The following ABCC12 variants were observed in gnomAD, a reference collection of about 807,000 sequenced individuals.
ABCC12 encodes ATP-binding cassette sub-family C member 12.
A neutral mutation model predicts 151.1 loss-of-function variants in ABCC12; 142 were observed. The ratio of observed to expected loss-of-function variants is 0.94; its 90% CI spans 0.82 to 1.08. ABCC12 has a LOEUF of 1.08. Among genes scored for constraint, ABCC12 ranks in the 50% least tolerant of loss-of-function variants. The pLI is 0.00. For missense variants in ABCC12, 1,638 were observed against 1,691.1 expected (o/e 0.97, Z 0.55); for synonymous variants, 645 against 646.4 (o/e 1.00, Z 0.03).
At chr16:48,085,059 C>A (rs1962526931) in intron 29 of ABCC12, among the ~76,000 whole-genome samples, 1 of 152,124 alleles carries the variant, frequency 6.6e-6, no homozygotes, top group Non-Finnish European at 1.5e-5. Context: ...CGGCCCCTCT[C>A]CCCTGACATT....
chr16:48,153,548 C>G (rs1200477488), intron 2 of ABCC12, 68 bp downstream of exon 2: 1 of 152,250 alleles, frequency 6.6e-6, no homozygotes, highest in Non-Finnish European at 1.5e-5. Flanking sequence ...CTAGTCCTCT[C>G]TCATCCAGGC....
At position 48,087,805 on chromosome 16, in the gene ABCC12, T is replaced by C. The variant is rs1962684841; in HGVS notation, c.3635+121A>G. On this transcript the variant is annotated intron_variant, in intron 27 of 30. Transcript: ENST00000311303. ...GCAGTGCTTGTGAGCCCCCCTGGGATACTGCTTCCCTCAGACAGAACAGCT... is the reference window on the plus strand; with the variant it reads ...GCAGTGCTTGTGAGCCCCCCTGGGACACTGCTTCCCTCAGACAGAACAGCT... The C allele has an allele frequency of 5.4e-6, 6 of 1,100,936 alleles. No individual in the cohort carries two copies. In the East Asian group the frequency reaches 1.5e-4, roughly 28 times the overall value. The allele number at this position is 1,100,936 out of a possible 1,614,324, so 68.2% of individuals were successfully genotyped here.
chr16:48,134,732 A>G (rs1430527020), intron 8 of ABCC12, among the ~76,000 whole-genome samples: 2 of 152,162 alleles, frequency 1.3e-5, no homozygotes, highest in Admixed American at 6.5e-5. Context: ...CAATCTACCC[A>G]TGATTTATAA....
Position 48,121,744 on chromosome 16 carries a change from G to A in ABCC12, c.1684C>T (p.Leu562Phe). ...IFHGNVRENI[L>F]FGEKYDHQRY... ...TGGTGATCATACTTTTCTCCAAAGA[G>A]TATGTTTTCTCTCACATTTCCATGA... Residue 562 changes from leucine (L) to phenylalanine (F), a missense_variant, in exon 13 of 31, where the codon CTC becomes TTC. Transcript: ENST00000311303. The A allele has an allele frequency of 6.2e-7, 1 of 1,614,188 alleles. No individual in the cohort carries two copies. The highest frequency in any genetic ancestry group is 8.5e-7 in the Non-Finnish European group (1 of 1,180,032).
At chr16:48,130,922 G>A in intron 9 of ABCC12, 27 bp from the exon 10 acceptor site, 4 of 1,543,418 alleles carry the variant, frequency 2.6e-6, no homozygotes, top group Non-Finnish European at 3.6e-6. Context: ...AAGTATGAGG[G>A]TTTAGAAGGA....
rs1964119824 is a variant in ABCC12, at chr16:48,122,914, A to G, written c.1588-1074T>C. 1.3e-5 allele frequency among the ~76,000 whole-genome samples: 2 copies of G among 152,242 alleles called. 1 individual carries two copies. Among genetic ancestry groups the G allele is most frequent in the South Asian group, 4.1e-4 (2 of 4,830 alleles). On this transcript the variant is annotated intron_variant, in intron 12 of 30. Transcript: ENST00000311303. ...CTTAGTCCCATTTTACAGACAAGGA[A>G]ACCAAGTGGTTTCATGAGGCTCAGA...
At position 48,141,302 on chromosome 16, in the gene ABCC12, G is replaced by A. The variant is rs758416462; in HGVS notation, c.327C>T (p.Ala109=). ...EEVARVGPEK[A]SLSHVVWKFQ... ...ATTTCCACACCACGTGGCTCAGAGA[G>A]GCCTTCTCAGGACCCACCCTTGCTA... Residue 109 remains alanine, a synonymous_variant, in exon 5 of 31, where the codon GCC becomes GCT. Transcript: ENST00000311303. The A allele has an allele frequency of 6.2e-7, 1 of 1,614,250 alleles. No homozygotes were observed. The highest frequency in any genetic ancestry group is 1.7e-5 in the Admixed American group (1 of 60,030).
intron 24 of ABCC12, among the ~76,000 whole-genome samples, chr16:48,093,479 TG>T (rs1294616492): frequency 6.6e-6 from 1 of 152,182 alleles, no homozygotes; most frequent in Non-Finnish European, 1.5e-5. Context: ...TTGTATGAAA[TG>T]CTGCTTCCCC....
At chr16:48,108,657 A>G (rs758073360) in intron 18 of ABCC12, 128 bp from the exon 19 acceptor site, 31 of 657,334 alleles carry the variant, frequency 4.7e-5, no homozygotes, top group Middle Eastern at 7.5e-4. Flanking sequence ...CACTCGTCCC[A>G]TGCTCTCAAA....
At chr16:48,131,011 G>A (rs1964407856) in intron 9 of ABCC12, 116 bp from the exon 10 acceptor site, 1 of 690,882 alleles carries the variant, frequency 1.4e-6, no homozygotes, top group Non-Finnish European at 2.5e-6. Context: ...TCGTTGGAAT[G>A]TGCAGAGGAA....
At chr16:48,145,475 A>G (rs995132460) in intron 3 of ABCC12, among the ~76,000 whole-genome samples, 11 of 152,300 alleles carry the variant, frequency 7.2e-5, no homozygotes, top group African/African-American at 2.2e-4. Context: ...TCTGTTCCCA[A>G]TTCCTTGGAA....
At chr16:48,104,053 G>C in intron 22 of ABCC12, 89 bp downstream of exon 22, 1 of 1,355,132 alleles carries the variant, frequency 7.4e-7, no homozygotes, top group Non-Finnish European at 1.0e-6. Flanking sequence ...CATCAGTAAA[G>C]ACAGCAAGCA....
At position 48,141,316 on chromosome 16, in the gene ABCC12, C is replaced by T. The variant is rs1217418931; in HGVS notation, c.313G>A (p.Gly105Ser). 6.2e-7 allele frequency: 1 copy of T among 1,614,092 alleles called. No homozygotes were observed. The highest frequency in any genetic ancestry group is 1.3e-5 in the African/African-American group (1 of 74,930). The change falls in exon 5 of 31, where the codon GGT (glycine) becomes AGT (serine). Residue 105 changes from glycine to serine, a missense_variant. Transcript: ENST00000311303. ...TGGCTCAGAGAGGCCTTCTCAGGAC[C>T]CACCCTTGCTACCTCTTCATCCCAA... ...VLWDEEVARV[G>S]PEKASLSHVV...
rs567730049 is a variant in ABCC12 at position 48,132,347 on chromosome 16, C to T, written c.1128+1340G>A. On this transcript the variant is annotated intron_variant, in intron 9 of 30. Coordinates refer to ENST00000311303, the MANE Select transcript of ABCC12 (RefSeq NM_001393797.1). ...GAAGAACCAGAGAAAATAAAAGCAA[C>T]TCACCAAGAAACACAGGGCAGTAAT... is the stretch of plus-strand genomic sequence containing the variant. 4.6e-5 allele frequency among the ~76,000 whole-genome samples: 7 copies of T among 152,268 alleles called. No homozygotes were observed. The East Asian group carries it at 1.2e-3, about 25-fold the overall frequency.
intron 28 of ABCC12, 29 bp downstream of exon 28, chr16:48,086,712 A>T: frequency 6.3e-7 from 1 of 1,589,694 alleles, no homozygotes; most frequent in Non-Finnish European, 8.6e-7. Flanking sequence ...TGGGAAACAA[A>T]CTCCTCCTCA....
intron 25 of ABCC12, among the ~76,000 whole-genome samples, chr16:48,090,305 G>A (rs1179714324): frequency 6.6e-6 from 1 of 151,868 alleles, no homozygotes; most frequent in Non-Finnish European, 1.5e-5. Context: ...ACAGCTTACT[G>A]CAGCCTCAAA....
At chr16:48,143,562 A>T (rs760924227) in intron 4 of ABCC12, among the ~76,000 whole-genome samples, 3 of 152,194 alleles carry the variant, frequency 2.0e-5, no homozygotes, top group Non-Finnish European at 4.4e-5. Context: ...CCCAAATCTC[A>T]TCTTGAATTT....
intron 11 of ABCC12, among the ~76,000 whole-genome samples, chr16:48,126,411 G>A (rs1964241428): frequency 6.6e-6 from 1 of 152,164 alleles, no homozygotes; most frequent in Non-Finnish European, 1.5e-5. Context: ...CGACATAACT[G>A]TGAACAAAAA....
intron 15 of ABCC12, among the ~76,000 whole-genome samples, chr16:48,112,896 G>GT (rs371512068): frequency 1.5e-4 from 23 of 151,978 alleles, no homozygotes; most frequent in African/African-American, 4.6e-4. Context: ...AAGCACTTCT[G>GT]TTTTTTTTAA....
Sources: gnomAD v4.1 joint callset for allele counts (sites outside exome capture counted in the v4.1 genomes callset) on GRCh38, gnomAD v4.1.1 for gene constraint, MANE v1.5 for transcripts, NCBI Gene and HGNC (gene_info 2026-07-23, HGNC 2026-07-21) for gene names.